Variants in KAZN observed in about 807,000 individuals in gnomAD.
KAZN encodes the protein kazrin.
In KAZN, 40 loss-of-function variants were observed where a neutral mutation model predicts 87.4. The ratio of observed to expected loss-of-function variants is 0.46; its 90% CI spans 0.36 to 0.60. KAZN has a LOEUF of 0.60. Ranked by LOEUF, KAZN falls within the 20% of genes least tolerant of loss-of-function variation. The pLI, the probability that KAZN is intolerant of heterozygous loss-of-function variation, is 0.00. For missense variants in KAZN, 898 were observed against 1,073.9 expected (o/e 0.84, Z 2.29); for synonymous variants, 466 against 458.3 (o/e 1.02, Z -0.22).
intron 3 of KAZN, among the ~76,000 whole-genome samples, chr1:15,039,919 C>G (rs1672722275): frequency 6.6e-6 from 1 of 152,122 alleles, no homozygotes; most frequent in Non-Finnish European, 1.5e-5. Context: ...CTTCATAATG[C>G]CCTTCAGATT....
At chr1:14,892,847 C>A (rs1339953301) in intron 1 of KAZN, among the ~76,000 whole-genome samples, 2 of 152,146 alleles carry the variant, frequency 1.3e-5, no homozygotes, top group African/African-American at 4.8e-5. Context: ...CACACACACA[C>A]ACAAAAGCTT....
rs538557336 is a variant in KAZN, at chr1:14,179,088, C to T, written c.92-1347C>T. On this transcript the variant is annotated intron_variant, in intron 1 of 16. Coordinates refer to the KAZN transcript ENST00000636203. ...TCCCCTGTAACTGTTCTTTCCTGCA[C>T]GTTTTTCTTGCTGGTCATGTAGAGT... Among the ~76,000 whole-genome samples the T allele has an allele frequency of 9.9e-5, 15 of 152,210 alleles. No individual in the cohort carries two copies. The East Asian group carries it at 1.4e-3, about 14-fold the overall frequency.
intron 1 of KAZN, among the ~76,000 whole-genome samples, chr1:14,670,249 A>G (rs1338173819): frequency 1.3e-5 from 2 of 152,140 alleles, no homozygotes; most frequent in African/African-American, 4.8e-5. Flanking sequence ...CCAGAGGTGC[A>G]AGCCCACCTC....
chr1:14,576,486 T>G (rs1256281461), intron 2 of KAZN, among the ~76,000 whole-genome samples: 1 of 152,178 alleles, frequency 6.6e-6, no homozygotes, highest in African/African-American at 2.4e-5. Flanking sequence ...GATGGATGGA[T>G]GCACTGATGG....
At chr1:14,272,740 C>T (rs1372405168) in intron 2 of KAZN, among the ~76,000 whole-genome samples, 1 of 152,100 alleles carries the variant, frequency 6.6e-6, no homozygotes, top group Admixed American at 6.5e-5. Flanking sequence ...TGCCTGTAAT[C>T]CCAGATACTT....
Position 14,902,830 on chromosome 1 carries a change from G to A in KAZN, c.227-57854G>A, listed in dbSNP as rs10927569. On this transcript the variant is annotated intron_variant, in intron 1 of 14. Coordinates refer to ENST00000376030, the MANE Select transcript of KAZN (RefSeq NM_201628.3). ...GAAAATTGAGGCAATTGTCCTTGTA[G>A]ACACATAGTATAAATAATCTTTTGT... Among the ~76,000 whole-genome samples, 1,193 of 151,680 alleles carry A rather than the reference G, an allele frequency of 7.9e-3. 22 individuals carry two copies. The highest frequency in any genetic ancestry group is 0.027 in the African/African-American group (1,126 of 41,384).
chr1:14,864,290 C>T (rs983041691), intron 1 of KAZN, among the ~76,000 whole-genome samples: 3 of 152,194 alleles, frequency 2.0e-5, no homozygotes, highest in South Asian at 2.1e-4. Context: ...GGGGGCCGGG[C>T]GCGGTGGCTC....
At chr1:14,503,073 A>G (rs1670351284) in intron 2 of KAZN, among the ~76,000 whole-genome samples, 1 of 152,036 alleles carries the variant, frequency 6.6e-6, no homozygotes, top group African/African-American at 2.4e-5. Context: ...AGGTAGGTGG[A>G]ATATGGGCGG....
At chr1:14,749,883 G>A in intron 1 of KAZN, among the ~76,000 whole-genome samples, 1 of 152,144 alleles carries the variant, frequency 6.6e-6, no homozygotes, top group African/African-American at 2.4e-5. Flanking sequence ...CCTTCTTCAT[G>A]CCTACCTTCC....
In KAZN at chr1:15,057,310, C is replaced by T. The variant is rs370112550; in HGVS notation, c.916+1030C>T. Among the ~76,000 whole-genome samples the T allele has an allele frequency of 4.6e-5, 7 of 152,366 alleles. No homozygotes were observed. The East Asian group carries it at 5.8e-4, about 13-fold the overall frequency. Reference sequence around the variant, plus strand: ...TAAAAGGGGCATTAGGCTCTTAGCACACAACGTACGTTAAAGACGTTTGCT... The same window carrying T: ...TAAAAGGGGCATTAGGCTCTTAGCATACAACGTACGTTAAAGACGTTTGCT... On this transcript the variant is annotated intron_variant, in intron 5 of 14. Coordinates refer to ENST00000376030, the MANE Select transcript of KAZN (RefSeq NM_201628.3).
intron 2 of KAZN, among the ~76,000 whole-genome samples, chr1:14,209,068 C>T (rs1274149906): frequency 6.6e-6 from 1 of 152,184 alleles, no homozygotes; most frequent in Non-Finnish European, 1.5e-5. Flanking sequence ...TCCCCTATGC[C>T]CCCACCACTA....
intron 8 of KAZN, among the ~76,000 whole-genome samples, chr1:15,084,716 C>T (rs1186539070): frequency 1.3e-5 from 2 of 152,198 alleles, no homozygotes; most frequent in Non-Finnish European, 2.9e-5. Flanking sequence ...GGTCTCATCC[C>T]CACTCCTCTT....
chr1:14,329,708 T>C (rs141172238), intron 2 of KAZN, among the ~76,000 whole-genome samples: 1 of 152,292 alleles, frequency 6.6e-6, no homozygotes, highest in East Asian at 1.9e-4. Context: ...TGCCTCTCAG[T>C]CACTCAGCCC....
At chr1:14,512,717 C>T (rs1670978634) in intron 2 of KAZN, among the ~76,000 whole-genome samples, 1 of 152,214 alleles carries the variant, frequency 6.6e-6, no homozygotes, top group Admixed American at 6.5e-5. Context: ...CTGGCACATT[C>T]TATGCCCAGA....
intron 2 of KAZN, among the ~76,000 whole-genome samples, chr1:14,452,132 G>T (rs986080579): frequency 6.6e-6 from 1 of 151,962 alleles, no homozygotes; most frequent in Non-Finnish European, 1.5e-5. Flanking sequence ...AAGAGATGGG[G>T]TTTCACCATG....
At chr1:14,725,450 G>A (rs142816696) in intron 1 of KAZN, among the ~76,000 whole-genome samples, 1 of 139,470 alleles carries the variant, frequency 7.2e-6, no homozygotes, top group East Asian at 2.2e-4. Flanking sequence ...TTTCATGAGG[G>A]TGGAGCTGTC....
At chr1:14,117,663 A>G (rs1022417311) in intron 1 of KAZN, among the ~76,000 whole-genome samples, 1 of 152,142 alleles carries the variant, frequency 6.6e-6, no homozygotes, top group African/African-American at 2.4e-5. Flanking sequence ...GGCATAACCC[A>G]GATCTGAATC....
chr1:14,407,155 C>T (rs1028888784), intron 2 of KAZN, among the ~76,000 whole-genome samples: 2 of 152,184 alleles, frequency 1.3e-5, no homozygotes, highest in African/African-American at 2.4e-5. Context: ...TTCATTCCGT[C>T]GATGGACATG....
intron 2 of KAZN, among the ~76,000 whole-genome samples, chr1:14,517,551 C>T (rs1671362182): frequency 6.6e-6 from 1 of 152,206 alleles, no homozygotes; most frequent in Non-Finnish European, 1.5e-5. Flanking sequence ...GAACACATGC[C>T]TTAGCGCCAT....
Sources: gnomAD v4.1 joint callset for allele counts (sites outside exome capture counted in the v4.1 genomes callset) on GRCh38, gnomAD v4.1.1 for gene constraint, MANE v1.5 for transcripts, NCBI Gene and HGNC (gene_info 2026-07-23, HGNC 2026-07-21) for gene names.